Variants in PTGS1 observed in about 807,000 individuals in gnomAD.
PTGS1 encodes the protein prostaglandin G/H synthase 1.
PTGS1 carries 40 observed loss-of-function variants against 63.0 expected under a neutral mutation model. The observed-to-expected ratio is 0.63, with a 90% CI of 0.49 to 0.83. PTGS1 has a LOEUF of 0.83. Ranked by LOEUF, PTGS1 falls within the 40% of genes least tolerant of loss-of-function variation. The probability of loss-of-function intolerance (pLI) is 0.00; values close to 1 mark genes in which losing one functional copy is unlikely to be tolerated. For missense variants in PTGS1, 709 were observed against 786.5 expected, an observed-to-expected ratio of 0.90 and a Z score of 1.18; for synonymous variants, 298 against 301.9, an observed-to-expected ratio of 0.99 and a Z score of 0.13.
chr9:122,371,615 G>T, intron 2 of PTGS1: 1 of 1,431,232 alleles, frequency 7.0e-7, no homozygotes, highest in Non-Finnish European at 9.1e-7. Context: ...TCCTATAGGG[G>T]CCTCTTTGGG....
rs1836762102 is a variant in PTGS1 at position 122,371,028 on chromosome 9, TGCGAG to T, written c.-53_-49del. ...GGATGGGCTGGAGCTCCGGGCAGTG[TGCGAG>T]GCGCACGCACAGGAGCCTGCACTCT... On this transcript the variant is annotated 5_prime_UTR_variant, in exon 1 of 11. Transcript: ENST00000362012. 4 of 1,553,938 alleles carry T rather than the reference TGCGAG, an allele frequency of 2.6e-6. No homozygotes were observed. The Admixed American group carries it at 7.6e-5, about 30-fold the overall frequency.
chr9:122,385,650 C>T (rs936250027), intron 8 of PTGS1, among the ~76,000 whole-genome samples: 5 of 152,070 alleles, frequency 3.3e-5, no homozygotes, highest in Non-Finnish European at 7.4e-5. Flanking sequence ...GGCTCCCCTT[C>T]TGTCCTCAGT....
chr9:122,391,399 A>AG (rs1564147538), intron 10 of PTGS1, among the ~76,000 whole-genome samples: 1 of 70,878 alleles, frequency 1.4e-5, no homozygotes, highest in Non-Finnish European at 2.1e-5. Flanking sequence ...ATATATATAC[A>AG]TATATATATA....
rs200398358 is a variant in PTGS1, at chr9:122,395,203, T to C, written c.*2659T>C. The C allele has an allele frequency of 6.6e-6, 1 of 152,158 alleles. No homozygotes were observed. The highest frequency in any genetic ancestry group is 1.5e-5 in the Non-Finnish European group (1 of 68,024). The allele number at this position is 152,158 out of a possible 1,614,324, so 9.4% of individuals were successfully genotyped here. A position where few individuals can be genotyped will look rare whatever the true frequency, so the allele number is the denominator to read the frequency against. Reference sequence around the variant, plus strand: ...CTCTCTTAAATGCAAGTGCCTAGATTAGGTAGACTTTGCTTAGTATTGACA... The same window carrying C: ...CTCTCTTAAATGCAAGTGCCTAGATCAGGTAGACTTTGCTTAGTATTGACA... On this transcript the variant is annotated 3_prime_UTR_variant, in exon 11 of 11. Coordinates refer to ENST00000362012, the MANE Select transcript of PTGS1 (RefSeq NM_000962.4).
At chr9:122,375,482 A>G in intron 2 of PTGS1, 1 of 985,384 alleles carries the variant, frequency 1.0e-6, no homozygotes, top group Non-Finnish European at 1.2e-6. Flanking sequence ...TTATTCCACA[A>G]ACATTCGTTA....
chr9:122,386,330 A>G, intron 8 of PTGS1, 116 bp from the exon 9 acceptor site: 1 of 1,142,710 alleles, frequency 8.8e-7, no homozygotes, highest in South Asian at 1.5e-5. Flanking sequence ...ATCAACAGCA[A>G]CAACAACAAT....
intron 10 of PTGS1, 117 bp downstream of exon 10, chr9:122,390,462 T>C (rs1838152378): frequency 4.1e-6 from 5 of 1,215,298 alleles, no homozygotes; most frequent in Non-Finnish European, 5.7e-6. Flanking sequence ...CAACCAGACT[T>C]ATAATGGGCG....
At chr9:122,379,588 C>G (rs564380662) in intron 5 of PTGS1, among the ~76,000 whole-genome samples, 1 of 152,310 alleles carries the variant, frequency 6.6e-6, no homozygotes, top group East Asian at 1.9e-4. Flanking sequence ...CAAAACCTTG[C>G]ACCATGTCCC....
At chr9:122,391,398 CATATATATATACAT>C (rs1564147520) in intron 10 of PTGS1, among the ~76,000 whole-genome samples, 35 of 93,190 alleles carry the variant, frequency 3.8e-4, no homozygotes, top group African/African-American at 1.0e-3. Flanking sequence ...TATATATATA[CATATATATATACAT>C]ATATATATAT....
At chr9:122,374,605 A>G (rs1213266) in intron 2 of PTGS1, among the ~76,000 whole-genome samples, 121,191 of 152,084 alleles carry the variant, frequency 0.8, 51,006 homozygotes, top group East Asian at 0.95. Context: ...CTGAGTTGGC[A>G]TGAAAACATG....
rs201321920 is a variant in PTGS1, at chr9:122,378,512, G to A, written c.291G>A (p.Trp97Ter). The part of the protein sequence containing the change: ...FTHFLLTHGR[W>*]FWEFVNATFI... ...ACTTCCTGCTCACTCACGGGCGCTG[G>A]TTCTGGGAGTTTGTCAATGCCACCT... The change falls in exon 4 of 11, where the codon TGG (tryptophan) becomes TGA (stop). Residue 97 changes from tryptophan to a stop codon, truncating the protein, a stop_gained. Coordinates refer to ENST00000362012, the MANE Select transcript of PTGS1 (RefSeq NM_000962.4). LOFTEE classifies it high-confidence loss of function. 5.6e-5 allele frequency: 91 copies of A among 1,614,102 alleles called. No homozygotes were observed. In the South Asian group the frequency reaches 1.0e-3, roughly 18 times the overall value.
At chr9:122,375,325 T>C in intron 2 of PTGS1, 5 of 985,488 alleles carry the variant, frequency 5.1e-6, no homozygotes, top group Non-Finnish European at 6.0e-6. Context: ...CGTCTGGAGC[T>C]TGTGGCTCTT....
rs551014178 is a variant in PTGS1, at chr9:122,391,408, T to C, written c.1445-781T>C. 8.3e-3 allele frequency among the ~76,000 whole-genome samples: 444 copies of C among 53,818 alleles called. 6 individuals are homozygous for C. The highest frequency in any genetic ancestry group is 0.069 in the African/African-American group (390 of 5,666). 35.3% of individuals were successfully genotyped at this position (53,818 alleles called of 152,430 possible). A position where few individuals can be genotyped will look rare whatever the true frequency, so the allele number is the denominator to read the frequency against. On this transcript the variant is annotated intron_variant, in intron 10 of 10. Coordinates refer to ENST00000362012, the MANE Select transcript of PTGS1 (RefSeq NM_000962.4). ...ATACATATATATATACATATATATA[T>C]ACATATATATATATATATACATATA...
chr9:122,392,099 G>C, intron 10 of PTGS1, 90 bp from the exon 11 acceptor site: 1 of 1,155,424 alleles, frequency 8.7e-7, no homozygotes, highest in Non-Finnish European at 1.2e-6. Flanking sequence ...ATTATCCCCA[G>C]AAAAAGGTGG....
intron 5 of PTGS1, among the ~76,000 whole-genome samples, chr9:122,381,059 T>C (rs1471827612): frequency 6.6e-6 from 1 of 152,230 alleles, no homozygotes; most frequent in Non-Finnish European, 1.5e-5. Context: ...TGTACCCATC[T>C]TTCAGTTTCA....
intron 5 of PTGS1, among the ~76,000 whole-genome samples, chr9:122,380,985 A>G (rs1250563445): frequency 6.6e-6 from 1 of 152,146 alleles, no homozygotes; most frequent in South Asian, 2.1e-4. Context: ...CTTTTTGGTG[A>G]AATGTTTCAT....
intron 7 of PTGS1, among the ~76,000 whole-genome samples, chr9:122,383,259 T>C (rs1198007028): frequency 1.3e-5 from 2 of 149,310 alleles, no homozygotes; most frequent in Admixed American, 1.4e-4. Context: ...CTGGCCTGTC[T>C]GGGGATAGGA....
At chr9:122,390,171 A>G (rs956147316) in intron 9 of PTGS1, 27 bp from the exon 10 acceptor site, 5 of 1,607,864 alleles carry the variant, frequency 3.1e-6, no homozygotes, top group Non-Finnish European at 4.3e-6. Flanking sequence ...TGGCTCCCAG[A>G]CCACTGCTGT....
rs1236267372 is a variant in PTGS1 at position 122,393,298 on chromosome 9, A to G, written c.*754A>G. ...GAAGCTAATAAAATTCGCTTTCTAA[A>G]GTTACCTGTTATATATCTCTTTTGG... On this transcript the variant is annotated 3_prime_UTR_variant, in exon 11 of 11. Transcript: ENST00000362012. 6.6e-6 allele frequency: 1 copy of G among 152,210 alleles called. No homozygotes were observed. The highest frequency in any genetic ancestry group is 1.5e-5 in the Non-Finnish European group (1 of 68,058). 9.4% of individuals were successfully genotyped at this position (152,210 alleles called of 1,614,324 possible).
Sources: gnomAD v4.1 joint callset for allele counts (sites outside exome capture counted in the v4.1 genomes callset) on GRCh38, gnomAD v4.1.1 for gene constraint, MANE v1.5 for transcripts, NCBI Gene and HGNC (gene_info 2026-07-23, HGNC 2026-07-21) for gene names.